MACROD2: variants seen among roughly 807,000 people sequenced by gnomAD.
The protein encoded by MACROD2 is ADP-ribose glycohydrolase MACROD2.
In MACROD2, 36 loss-of-function variants were observed where a neutral mutation model predicts 70.4. The ratio of observed to expected loss-of-function variants is 0.51; its 90% CI spans 0.39 to 0.68. The LOEUF (loss-of-function observed/expected upper bound fraction) is 0.68, where lower values mean the gene tolerates loss of function less well. MACROD2 is among the 30% of genes least tolerant of loss of function. MACROD2 has a pLI of 0.00. For missense variants in MACROD2, 496 were observed against 538.4 expected, an observed-to-expected ratio of 0.92 and a Z score of 0.78; for synonymous variants, 172 against 178.8, an observed-to-expected ratio of 0.96 and a Z score of 0.30.
At chr20:15,012,551 G>A (rs532327239) in intron 5 of MACROD2, among the ~76,000 whole-genome samples, 2 of 152,264 alleles carry the variant, frequency 1.3e-5, no homozygotes, top group South Asian at 4.1e-4. Flanking sequence ...CCAATGGGAA[G>A]GAGTACACTT....
intron 8 of MACROD2, among the ~76,000 whole-genome samples, chr20:15,664,325 G>A (rs185763932): frequency 9.8e-5 from 15 of 152,304 alleles, no homozygotes; most frequent in African/African-American, 3.4e-4. Context: ...GAGCAAGTGT[G>A]ATATCCTGAG....
intron 7 of MACROD2, among the ~76,000 whole-genome samples, chr20:15,459,461 C>T (rs2046778842): frequency 6.6e-6 from 1 of 152,102 alleles, no homozygotes; most frequent in South Asian, 2.1e-4. Flanking sequence ...CTTTTTCCCC[C>T]CACTATCCTT....
rs76715283 is a variant in MACROD2 at position 14,921,224 on chromosome 20, C to T, written c.418+236265C>T. 2.7e-3 allele frequency among the ~76,000 whole-genome samples: 416 copies of T among 152,212 alleles called. 3 individuals carry two copies. Among genetic ancestry groups the T allele is most frequent in the Non-Finnish European group, 4.5e-3 (305 of 67,990 alleles). On this transcript the variant is annotated intron_variant, in intron 5 of 17. Coordinates refer to ENST00000684519, the MANE Select transcript of MACROD2 (RefSeq NM_001351661.2). ...TATTTCCCATGACATTTTAAAAATC[C>T]ATTTCTGTATTACATATTCCAATCT...
chr20:14,320,074 T>G (rs1384373052), intron 3 of MACROD2, among the ~76,000 whole-genome samples: 1 of 152,178 alleles, frequency 6.6e-6, no homozygotes, highest in Non-Finnish European at 1.5e-5. Context: ...GAGGGCACTA[T>G]TAATAATTAG....
intron 4 of MACROD2, among the ~76,000 whole-genome samples, chr20:14,664,985 T>C (rs2070721473): frequency 6.6e-6 from 1 of 152,112 alleles, no homozygotes; most frequent in South Asian, 2.1e-4. Flanking sequence ...AGAAGTTACA[T>C]GTGGACAGCA....
chr20:16,016,326 C>T (rs532337249), intron 15 of MACROD2, among the ~76,000 whole-genome samples: 1 of 152,228 alleles, frequency 6.6e-6, no homozygotes, highest in African/African-American at 2.4e-5. Context: ...AAATTTTTTC[C>T]TATCACTTCT....
intron 15 of MACROD2, among the ~76,000 whole-genome samples, chr20:16,023,473 C>CAAAAAAAAA (rs60347463): frequency 1.4e-5 from 1 of 71,442 alleles, no homozygotes; most frequent in Non-Finnish European, 2.6e-5. Context: ...GACTCCATCT[C>CAAAAAAAAA]AAAAAAAAAA....
At chr20:14,767,421 T>C (rs1600643161) in intron 5 of MACROD2, among the ~76,000 whole-genome samples, 1 of 151,730 alleles carries the variant, frequency 6.6e-6, no homozygotes, top group African/African-American at 2.4e-5. Context: ...GAAATGCAAG[T>C]GAGGGAGTAA....
intron 3 of MACROD2, among the ~76,000 whole-genome samples, chr20:14,369,664 A>G (rs2083304624): frequency 2.0e-5 from 3 of 152,178 alleles, no homozygotes; most frequent in Admixed American, 6.5e-5. Flanking sequence ...AGTTATCCAC[A>G]TGGTATAATG....
At chr20:15,011,243 CA>C (rs1440544394) in intron 5 of MACROD2, among the ~76,000 whole-genome samples, 1 of 151,914 alleles carries the variant, frequency 6.6e-6, no homozygotes, top group East Asian at 1.9e-4. Context: ...TTTTGCCATT[CA>C]GTGAAGTTGT....
intron 6 of MACROD2, among the ~76,000 whole-genome samples, chr20:15,428,376 G>A (rs1051593787): frequency 1.3e-5 from 2 of 152,102 alleles, no homozygotes; most frequent in African/African-American, 4.8e-5. Flanking sequence ...TGCCCCTCTG[G>A]CACATTGACT....
intron 5 of MACROD2, among the ~76,000 whole-genome samples, chr20:14,730,090 G>T (rs1433696980): frequency 6.6e-6 from 1 of 152,112 alleles, no homozygotes; most frequent in Non-Finnish European, 1.5e-5. Flanking sequence ...GCAGCCTGAA[G>T]AGTCAAAGAG....
chr20:14,416,505 A>C (rs1250171150), intron 3 of MACROD2, among the ~76,000 whole-genome samples: 1 of 152,206 alleles, frequency 6.6e-6, no homozygotes, highest in East Asian at 1.9e-4. Flanking sequence ...TTGTACTTCA[A>C]GAACATTATG....
chr20:14,372,617 A>G (rs559746515), intron 3 of MACROD2, among the ~76,000 whole-genome samples: 3 of 152,196 alleles, frequency 2.0e-5, no homozygotes, highest in East Asian at 3.9e-4. Context: ...TTCTGATTCA[A>G]TTCCTCTCAC....
At chr20:14,575,098 A>G (rs1160366412) in intron 4 of MACROD2, among the ~76,000 whole-genome samples, 1 of 151,762 alleles carries the variant, frequency 6.6e-6, no homozygotes, top group Non-Finnish European at 1.5e-5. Context: ...ATGATAGAAA[A>G]CTGCAAAGAG....
At chr20:14,464,122 C>T (rs1440663295) in intron 3 of MACROD2, among the ~76,000 whole-genome samples, 2 of 151,920 alleles carry the variant, frequency 1.3e-5, no homozygotes, top group Non-Finnish European at 2.9e-5. Context: ...CCAGTTCCTC[C>T]TTGTACCTCT....
chr20:14,494,368 A>G (rs1169755513), intron 4 of MACROD2, among the ~76,000 whole-genome samples: 2 of 152,062 alleles, frequency 1.3e-5, no homozygotes, highest in Non-Finnish European at 2.9e-5. Context: ...TTTCATTGTA[A>G]TTTTTATTTG....
At chr20:15,135,331 G>C (rs533768469) in intron 5 of MACROD2, among the ~76,000 whole-genome samples, 15,433 of 150,276 alleles carry the variant, frequency 0.1, 983 homozygotes, top group Middle Eastern at 0.17. Context: ...TACTGGCAAA[G>C]CGAATCCAGC....
At chr20:15,820,620 T>TA (rs898724869) in intron 8 of MACROD2, among the ~76,000 whole-genome samples, 16 of 152,234 alleles carry the variant, frequency 1.1e-4, no homozygotes, top group African/African-American at 3.4e-4. Context: ...GAACTGGGAA[T>TA]AAGCCCTTTA....
Sources: gnomAD v4.1 joint callset for allele counts (sites outside exome capture counted in the v4.1 genomes callset) on GRCh38, gnomAD v4.1.1 for gene constraint, MANE v1.5 for transcripts, NCBI Gene and HGNC (gene_info 2026-07-23, HGNC 2026-07-21) for gene names.